Variants in PAX7 observed in about 807,000 individuals in gnomAD.
PAX7 encodes paired box 7, also known as paired box protein Pax-7.
Under a neutral mutation model 50.7 loss-of-function variants are expected in PAX7, and 18 were observed. The observed-to-expected ratio is 0.36, with a 90% confidence interval of 0.25 to 0.53. PAX7 has a LOEUF of 0.53. Ranked by LOEUF, PAX7 falls within the 20% of genes least tolerant of loss-of-function variation. PAX7 has a pLI of 0.93. For missense variants in PAX7, 644 were observed against 702.9 expected, an observed-to-expected ratio of 0.92 and a Z score of 0.95; for synonymous variants, 310 against 290.4, an observed-to-expected ratio of 1.07 and a Z score of -0.69.
In PAX7 at chr1:18,636,622, AGTCCCGG is replaced by A. The variant is rs2088162641; in HGVS notation, c.586+253_586+259del. Among the ~76,000 whole-genome samples the A allele has an allele frequency of 6.6e-6, 1 of 152,186 alleles. No homozygotes were observed. Among genetic ancestry groups the A allele is most frequent in the Non-Finnish European group, 1.5e-5 (1 of 68,030 alleles). On this transcript the variant is annotated intron_variant, in intron 4 of 8. Coordinates refer to ENST00000420770, the MANE Select transcript of PAX7 (RefSeq NM_001135254.2). The surrounding 1 kb of genome is among the most constrained non-coding windows in gnomAD (Gnocchi z 5.1). ...GGAGGCCGGGCACGGACGGCCTGTG[AGTCCCGG>A]GAGAGCCCGGCTGCGGGGCTGCGCG...
chr1:18,641,875 C>A (rs1401420035), intron 4 of PAX7, among the ~76,000 whole-genome samples: 1 of 152,050 alleles, frequency 6.6e-6, no homozygotes, highest in East Asian at 1.9e-4. Context: ...ATGGGCGTCT[C>A]AAATGTTGGG....
In PAX7 at chr1:18,714,392, A is replaced by G. The variant is rs140713737; in HGVS notation, c.1155+11096A>G. On this transcript the variant is annotated intron_variant, in intron 7 of 8. Coordinates refer to ENST00000420770, the MANE Select transcript of PAX7 (RefSeq NM_001135254.2). ...AGAATTAAATGCGATTGTTCATGTGAAACCCTTAGTTCCACACCCGGCATC... is the reference window on the plus strand; with the variant it reads ...AGAATTAAATGCGATTGTTCATGTGGAACCCTTAGTTCCACACCCGGCATC... Among the ~76,000 whole-genome samples the G allele has an allele frequency of 4.9e-3, 750 of 152,234 alleles. 6 individuals are homozygous for G. The highest frequency in any genetic ancestry group is 0.027 in the Middle Eastern group (8 of 294).
intron 7 of PAX7, among the ~76,000 whole-genome samples, chr1:18,729,239 G>A (rs772855278): frequency 1.5e-4 from 23 of 152,218 alleles, no homozygotes; most frequent in Non-Finnish European, 2.6e-4. Context: ...AAGTCAAAAC[G>A]GTGAGCCAGG....
intron 7 of PAX7, 81 bp downstream of exon 7, chr1:18,703,377 T>C: frequency 7.7e-7 from 1 of 1,294,486 alleles, no homozygotes; most frequent in Admixed American, 1.7e-5. Context: ...GTGGAAGCCT[T>C]GCGCTCTTTC....
intron 7 of PAX7, among the ~76,000 whole-genome samples, chr1:18,712,597 A>C (rs994195244): frequency 2.6e-5 from 4 of 152,178 alleles, no homozygotes; most frequent in African/African-American, 9.7e-5. Context: ...TCTGCTAGGA[A>C]CTGGGAGGCC....
At chr1:18,657,337 C>T (rs995820588) in intron 4 of PAX7, among the ~76,000 whole-genome samples, 1 of 151,902 alleles carries the variant, frequency 6.6e-6, no homozygotes, top group African/African-American at 2.4e-5. Flanking sequence ...GAAGCAGAAG[C>T]CTCATGTGGA....
At chr1:18,711,819 A>C (rs1326043025) in intron 7 of PAX7, among the ~76,000 whole-genome samples, 1 of 152,098 alleles carries the variant, frequency 6.6e-6, no homozygotes, top group Non-Finnish European at 1.5e-5. Context: ...CAGTTTGTGG[A>C]GTGGACCAGG....
At chr1:18,724,825 C>T (rs906305642) in intron 7 of PAX7, among the ~76,000 whole-genome samples, 1 of 152,220 alleles carries the variant, frequency 6.6e-6, no homozygotes, top group Non-Finnish European at 1.5e-5. Flanking sequence ...CTGATCCTGG[C>T]CCTCCCTTGA....
intron 5 of PAX7, among the ~76,000 whole-genome samples, chr1:18,692,370 C>T (rs986124078): frequency 1.3e-5 from 2 of 152,038 alleles, no homozygotes; most frequent in African/African-American, 2.4e-5. Context: ...GGTGAAACCC[C>T]ATCTCTACTA....
intron 4 of PAX7, among the ~76,000 whole-genome samples, chr1:18,657,738 C>T (rs1185251630): frequency 6.6e-6 from 1 of 152,060 alleles, no homozygotes; most frequent in Non-Finnish European, 1.5e-5. Context: ...CCCTTTAAAG[C>T]GGAGTGTCTG....
rs1432036669 is a variant in PAX7, at chr1:18,745,069, C to A, written c.*140C>A. On this transcript the variant is annotated 3_prime_UTR_variant, in exon 9 of 9. Transcript: ENST00000420770. ...CCACCTGCTTCTCATCACCAGCCCC[C>A]TGGAGGTAGACAGCCAGCTTGTCAC... is the stretch of plus-strand genomic sequence containing the variant. 1.6e-6 allele frequency: 1 copy of A among 615,720 alleles called. No individual in the cohort carries two copies. Among genetic ancestry groups the A allele is most frequent in the Non-Finnish European group, 2.9e-6 (1 of 342,348 alleles). 38.1% of individuals were successfully genotyped at this position (615,720 alleles called of 1,614,324 possible). A position where few individuals can be genotyped will look rare whatever the true frequency, so the allele number is the denominator to read the frequency against.
rs926193963 is a variant in PAX7, at chr1:18,631,235, G to C, written c.-369G>C. 8.0e-6 allele frequency: 2 copies of C among 248,768 alleles called. No individual in the cohort carries two copies. The highest frequency in any genetic ancestry group is 4.4e-5 in the African/African-American group (2 of 45,782). 15.4% of individuals were successfully genotyped at this position (248,768 alleles called of 1,614,324 possible). ...CCTCGATTCCGGCCGCGTTCCCCCG[G>C]CCCCCCTCCGCCGCGGGGCCTGGTC... On this transcript the variant is annotated 5_prime_UTR_variant, in exon 1 of 9. Transcript: ENST00000420770.
chr1:18,677,769 G>A (rs972833824), intron 4 of PAX7, among the ~76,000 whole-genome samples: 1 of 152,188 alleles, frequency 6.6e-6, no homozygotes, highest in Non-Finnish European at 1.5e-5. Context: ...ACTGATGGCT[G>A]CAGTTCCTTT....
intron 7 of PAX7, among the ~76,000 whole-genome samples, chr1:18,703,817 C>G (rs970613611): frequency 3.9e-5 from 6 of 152,116 alleles, no homozygotes; most frequent in Non-Finnish European, 7.4e-5. Flanking sequence ...ATGAAGTGCC[C>G]CCTGCCACAT....
At chr1:18,657,207 A>G (rs1292141894) in intron 4 of PAX7, among the ~76,000 whole-genome samples, 1 of 152,044 alleles carries the variant, frequency 6.6e-6, no homozygotes, top group Admixed American at 6.6e-5. Context: ...CATGGGGGTG[A>G]TAAGAGGCTA....
chr1:18,742,615 G>A (rs1488119731), intron 8 of PAX7, among the ~76,000 whole-genome samples: 2 of 152,154 alleles, frequency 1.3e-5, no homozygotes, highest in African/African-American at 4.8e-5. Context: ...GCAGGGCCAG[G>A]CTGACTGCCA....
chr1:18,699,036 C>T (rs2089183630), intron 5 of PAX7, among the ~76,000 whole-genome samples: 2 of 152,230 alleles, frequency 1.3e-5, no homozygotes, highest in African/African-American at 4.8e-5. Flanking sequence ...CCAACCAAGC[C>T]TTGTAGCCCC....
chr1:18,652,252 C>G (rs1177100887), intron 4 of PAX7, among the ~76,000 whole-genome samples: 1 of 152,092 alleles, frequency 6.6e-6, no homozygotes, highest in East Asian at 1.9e-4. Context: ...TCTTCCCCGC[C>G]CCCCCATTGC....
At chr1:18,721,213 G>T (rs1220743327) in intron 7 of PAX7, among the ~76,000 whole-genome samples, 1 of 152,164 alleles carries the variant, frequency 6.6e-6, no homozygotes, top group Non-Finnish European at 1.5e-5. Context: ...CCAGTGCAGC[G>T]GTGGTGGGTC....
Sources: allele counts gnomAD v4.1 joint callset (sites outside exome capture counted in the v4.1 genomes callset), GRCh38; gene constraint gnomAD v4.1.1; non-coding constraint Gnocchi (gnomAD v3.1); transcripts MANE v1.5; gene names NCBI Gene and HGNC (gene_info 2026-07-23, HGNC 2026-07-21).